Variants in GRAMD1B observed in about 807,000 individuals in gnomAD.
The protein encoded by GRAMD1B is GRAM domain containing 1B, also known as protein Aster-B.
In GRAMD1B, 37 loss-of-function variants were observed where a neutral mutation model predicts 99.7. That is an observed-to-expected ratio of 0.37 (90% CI 0.29 to 0.49). GRAMD1B has a LOEUF of 0.49. Among genes scored for constraint, GRAMD1B ranks in the 20% least tolerant of loss-of-function variants. GRAMD1B has a pLI of 0.98. For synonymous variants in GRAMD1B, 427 were observed against 387.6 expected (o/e 1.10, Z -1.19); for missense variants, 888 against 1,009.2 (o/e 0.88, Z 1.63).
intron 2 of GRAMD1B, among the ~76,000 whole-genome samples, chr11:123,563,714 A>T (rs533842788): frequency 2.0e-5 from 3 of 152,250 alleles, no homozygotes; most frequent in Admixed American, 2.0e-4. Flanking sequence ...TTAAAAGTAT[A>T]GTAGAGACCA....
intron 1 of GRAMD1B, among the ~76,000 whole-genome samples, chr11:123,455,378 C>T (rs575698286): frequency 3.9e-5 from 6 of 152,250 alleles, no homozygotes; most frequent in Admixed American, 6.5e-5. Context: ...CTGCCTTCCT[C>T]GGCCTCCCAG....
At chr11:123,402,614 CAA>C (rs1366357769) in intron 1 of GRAMD1B, among the ~76,000 whole-genome samples, 5 of 152,162 alleles carry the variant, frequency 3.3e-5, no homozygotes, top group African/African-American at 1.2e-4. Flanking sequence ...AGTGAGGATT[CAA>C]GGCCAGGTCT....
chr11:123,615,638 T>C (rs577817562), intron 17 of GRAMD1B, among the ~76,000 whole-genome samples: 2 of 152,352 alleles, frequency 1.3e-5, no homozygotes, highest in African/African-American at 4.8e-5. Context: ...CATGGTTGTG[T>C]CATTCACAGA....
intron 1 of GRAMD1B, among the ~76,000 whole-genome samples, chr11:123,434,222 T>C (rs1421590748): frequency 3.9e-3 from 315 of 79,798 alleles, no homozygotes; most frequent in Admixed American, 7.9e-3. Context: ...AGAGTGAGAC[T>C]CCGTTTCCAA....
rs141457450 is a variant in GRAMD1B at position 123,443,674 on chromosome 11, C to G, written c.374+12508C>G. On this transcript the variant is annotated intron_variant, in intron 1 of 19. Transcript: ENST00000635736. ...CTGGGATTCAAGAGGTTGATCCCCTCCCAGGTTCAAGCATTCTTCTGCCTC... is the reference window on the plus strand; with the variant it reads ...CTGGGATTCAAGAGGTTGATCCCCTGCCAGGTTCAAGCATTCTTCTGCCTC... 4.0e-3 allele frequency among the ~76,000 whole-genome samples: 611 copies of G among 152,240 alleles called. 7 individuals carry two copies. Among genetic ancestry groups the G allele is most frequent in the African/African-American group, 0.014 (582 of 41,534 alleles).
chr11:123,538,789 G>GT (rs368916376), intron 2 of GRAMD1B, among the ~76,000 whole-genome samples: 34 of 151,290 alleles, frequency 2.2e-4, no homozygotes, highest in East Asian at 3.9e-4. Flanking sequence ...CTGACTAATT[G>GT]TTTTTTTTAT....
intron 2 of GRAMD1B, among the ~76,000 whole-genome samples, chr11:123,541,035 G>A (rs889667612): frequency 2.0e-5 from 3 of 151,950 alleles, no homozygotes; most frequent in Non-Finnish European, 4.4e-5. Context: ...TTGCAATGGC[G>A]TGATCTCGGC....
chr11:123,590,922 A>G (rs1413336385), intron 4 of GRAMD1B, among the ~76,000 whole-genome samples: 1 of 152,046 alleles, frequency 6.6e-6, no homozygotes, highest in African/African-American at 2.4e-5. Context: ...TAGACCCTGG[A>G]CCCGGCTGTG....
chr11:123,416,109 G>T (rs1948225528), intron 1 of GRAMD1B, among the ~76,000 whole-genome samples: 1 of 152,188 alleles, frequency 6.6e-6, no homozygotes, highest in Admixed American at 6.5e-5. Context: ...CTAGCATGCT[G>T]AATACAGTTA....
chr11:123,507,647 A>C (rs986525243), intron 2 of GRAMD1B, among the ~76,000 whole-genome samples: 5 of 152,196 alleles, frequency 3.3e-5, no homozygotes, highest in Admixed American at 1.3e-4. Context: ...TTTTATCTAA[A>C]AGCAATTTTC....
At chr11:123,503,419 A>G (rs1940095099) in intron 2 of GRAMD1B, among the ~76,000 whole-genome samples, 1 of 152,220 alleles carries the variant, frequency 6.6e-6, no homozygotes, top group Non-Finnish European at 1.5e-5. Flanking sequence ...GAGGGAACTC[A>G]TGGAGTCCCC....
At chr11:123,399,992 T>C (rs971943532) in intron 1 of GRAMD1B, among the ~76,000 whole-genome samples, 1 of 152,172 alleles carries the variant, frequency 6.6e-6, no homozygotes, top group Non-Finnish European at 1.5e-5. Context: ...CTGGTAACCA[T>C]TTATATGTCT....
chr11:123,369,745 G>A lies in GRAMD1B; in HGVS notation c.-176+10946G>A, dbSNP rs564072496. Among the ~76,000 whole-genome samples, 9 of 151,714 alleles carry A rather than the reference G, an allele frequency of 5.9e-5. No homozygotes were observed. In the South Asian group the frequency reaches 1.5e-3, roughly 25 times the overall value. ...AAATTAGCTGGGTGTGCTGGTGTGC[G>A]CCAGTGTTCCCAGCTACTCAGGAGG... On this transcript the variant is annotated intron_variant, in intron 1 of 20. Coordinates refer to the GRAMD1B transcript ENST00000638157.
chr11:123,600,688 A>T (rs1951837458), intron 8 of GRAMD1B, 140 bp downstream of exon 8: 1 of 570,534 alleles, frequency 1.8e-6, no homozygotes, highest in Non-Finnish European at 3.1e-6. Flanking sequence ...GTAGCATATA[A>T]TCTCCCACGA....
chr11:123,511,465 G>A (rs560007362), intron 2 of GRAMD1B, among the ~76,000 whole-genome samples: 1 of 152,192 alleles, frequency 6.6e-6, no homozygotes, highest in African/African-American at 2.4e-5. Flanking sequence ...CCTGGCTCCT[G>A]CTTGCAATTT....
At chr11:123,542,644 TTTTTG>T (rs1191800928) in intron 2 of GRAMD1B, among the ~76,000 whole-genome samples, 11 of 151,890 alleles carry the variant, frequency 7.2e-5, no homozygotes, top group Non-Finnish European at 1.5e-4. Flanking sequence ...AGCAAGTAGG[TTTTTG>T]TTTTGTTTTG....
intron 4 of GRAMD1B, among the ~76,000 whole-genome samples, chr11:123,585,877 T>C (rs1033504907): frequency 6.6e-6 from 1 of 152,234 alleles, no homozygotes; most frequent in Admixed American, 6.5e-5. Flanking sequence ...ATTTCTCTTT[T>C]TATTGCTCTT....
chr11:123,495,563 T>C (rs1939147690), intron 2 of GRAMD1B, among the ~76,000 whole-genome samples: 1 of 152,090 alleles, frequency 6.6e-6, no homozygotes, highest in African/African-American at 2.4e-5. Context: ...ACTTTTCCAC[T>C]ACCCTTCTCA....
Position 123,624,645 on chromosome 11 carries a change from C to G in GRAMD1B, c.*2050C>G, listed in dbSNP as rs2137192672. 1 of 152,316 alleles carries G rather than the reference C, an allele frequency of 6.6e-6. No homozygotes were observed. Among genetic ancestry groups the G allele is most frequent in the East Asian group, 1.9e-4 (1 of 5,184 alleles). 9.4% of individuals were successfully genotyped at this position (152,316 alleles called of 1,614,324 possible). ...CTGAGCCAAAGAAGGAGGCATGGTGCAGACTGCTGGAAATCTCCCCCTTGG... is the reference window on the plus strand; with the variant it reads ...CTGAGCCAAAGAAGGAGGCATGGTGGAGACTGCTGGAAATCTCCCCCTTGG... On this transcript the variant is annotated 3_prime_UTR_variant, in exon 20 of 20. Transcript: ENST00000635736.
Sources: gnomAD v4.1 joint callset for allele counts (sites outside exome capture counted in the v4.1 genomes callset) on GRCh38, gnomAD v4.1.1 for gene constraint, MANE v1.5 for transcripts, NCBI Gene and HGNC (gene_info 2026-07-23, HGNC 2026-07-21) for gene names.